The following PTPRT variants were observed in gnomAD, a reference collection of about 807,000 sequenced individuals.
PTPRT encodes receptor-type tyrosine-protein phosphatase T.
A neutral mutation model predicts 176.8 loss-of-function variants in PTPRT; 56 were observed. The observed-to-expected ratio is 0.32, with a 90% CI of 0.26 to 0.40. The LOEUF is 0.40. Ranked by LOEUF, PTPRT falls within the 10% of genes least tolerant of loss-of-function variation. The pLI, the probability that PTPRT is intolerant of heterozygous loss-of-function variation, is 1.00. For synonymous variants in PTPRT, 783 were observed against 739.0 expected, an observed-to-expected ratio of 1.06 and a Z score of -0.96; for missense variants, 1,540 against 1,908.2, an observed-to-expected ratio of 0.81 and a Z score of 3.60.
chr20:42,187,888 A>G (rs534189387), intron 16 of PTPRT, among the ~76,000 whole-genome samples: 9 of 152,322 alleles, frequency 5.9e-5, no homozygotes, highest in African/African-American at 1.7e-4. Flanking sequence ...CTTGGCTCAA[A>G]GTTCTGGTTC....
chr20:42,216,127 C>T (rs529432111), intron 15 of PTPRT, among the ~76,000 whole-genome samples: 2 of 152,318 alleles, frequency 1.3e-5, no homozygotes, highest in South Asian at 2.1e-4. Flanking sequence ...CACTCACATG[C>T]CCACATCTCT....
chr20:43,177,280 C>T (rs1237673219), intron 1 of PTPRT, among the ~76,000 whole-genome samples: 1 of 152,178 alleles, frequency 6.6e-6, no homozygotes, highest in South Asian at 2.1e-4. Context: ...CCATTTGGAC[C>T]TGACATATAG....
At chr20:42,922,511 G>C (rs1375809026) in intron 1 of PTPRT, among the ~76,000 whole-genome samples, 1 of 152,172 alleles carries the variant, frequency 6.6e-6, no homozygotes, top group African/African-American at 2.4e-5. Flanking sequence ...AGTCTCACAT[G>C]CCCAAAGCCA....
chr20:43,152,990 T>A (rs752867084), intron 1 of PTPRT, among the ~76,000 whole-genome samples: 2 of 152,208 alleles, frequency 1.3e-5, no homozygotes, highest in African/African-American at 2.4e-5. Flanking sequence ...TACTCCCTGT[T>A]TCCCTCTTAT....
chr20:42,366,956 T>C (rs930611033), intron 9 of PTPRT, among the ~76,000 whole-genome samples: 3 of 152,246 alleles, frequency 2.0e-5, no homozygotes, highest in African/African-American at 7.2e-5. Flanking sequence ...TGCCTTTTTT[T>C]CCCTTAAAAT....
At chr20:42,806,003 A>T (rs966162059) in intron 2 of PTPRT, among the ~76,000 whole-genome samples, 6 of 140,574 alleles carry the variant, frequency 4.3e-5, no homozygotes, top group East Asian at 2.1e-4. Flanking sequence ...TATAGGGAAG[A>T]TTTTTTTTTT....
chr20:42,083,905 C>T (rs1239683231), intron 29 of PTPRT, among the ~76,000 whole-genome samples: 1 of 152,190 alleles, frequency 6.6e-6, no homozygotes, highest in African/African-American at 2.4e-5. Context: ...CCTCTGTGGT[C>T]ACTCTATACT....
downstream of PTPRT, among the ~76,000 whole-genome samples, chr20:42,071,416 A>G (rs1982328589): frequency 6.6e-6 from 1 of 152,164 alleles, no homozygotes; most frequent in Non-Finnish European, 1.5e-5. Flanking sequence ...TCTAATAACA[A>G]CAGCATTAAA....
chr20:42,174,243 C>A (rs1288657177), intron 16 of PTPRT, among the ~76,000 whole-genome samples: 4 of 152,006 alleles, frequency 2.6e-5, no homozygotes, highest in Non-Finnish European at 4.4e-5. Context: ...TTACTCAAAG[C>A]ATAAATAATA....
At chr20:43,004,531 G>C (rs1826718204) in intron 1 of PTPRT, among the ~76,000 whole-genome samples, 1 of 152,180 alleles carries the variant, frequency 6.6e-6, no homozygotes, top group African/African-American at 2.4e-5. Context: ...AATACGTCAG[G>C]AAATAAACAC....
intron 1 of PTPRT, among the ~76,000 whole-genome samples, chr20:42,903,978 C>T (rs1483263596): frequency 6.6e-6 from 1 of 152,156 alleles, no homozygotes; most frequent in African/African-American, 2.4e-5. Flanking sequence ...AGGCACTCTC[C>T]TAGCAATTAC....
rs761300599 is a variant in PTPRT at position 43,109,520 on chromosome 20, T to TC, written c.88+80125dup. 5.4e-4 allele frequency among the ~76,000 whole-genome samples: 82 copies of TC among 152,316 alleles called. 1 individual carries two copies. Among genetic ancestry groups the TC allele is most frequent in the Non-Finnish European group, 9.4e-4 (64 of 68,028 alleles). ...TATTCACACTCAGTATACATTTTTT[T>TC]CATTTTTTACATCTAATATTTATTT... On this transcript the variant is annotated intron_variant, in intron 1 of 30. Transcript: ENST00000373187.
At position 42,326,952 on chromosome 20, in the gene PTPRT, T is replaced by G. The variant is rs573129933; in HGVS notation, c.1866-10956A>C. 4.4e-5 allele frequency among the ~76,000 whole-genome samples: 6 copies of G among 134,928 alleles called. No homozygotes were observed. The East Asian group carries it at 1.3e-3, about 28-fold the overall frequency. The allele number at this position is 134,928 out of a possible 152,430, so 88.5% of individuals were successfully genotyped here. ...CAAATGGGAAATATGGTTAAGAACT[T>G]AAAAAAAAAAAAACAACAAAGGAAT... On this transcript the variant is annotated intron_variant, in intron 11 of 30. Transcript: ENST00000373187.
chr20:43,160,002 CAA>C (rs11475762), intron 1 of PTPRT, among the ~76,000 whole-genome samples: 285 of 136,368 alleles, frequency 2.1e-3, no homozygotes, highest in Middle Eastern at 3.6e-3. Flanking sequence ...CTTCCCCCTG[CAA>C]AAAAAAAAAA....
intron 15 of PTPRT, among the ~76,000 whole-genome samples, chr20:42,200,795 G>T (rs1407669482): frequency 6.6e-6 from 1 of 152,160 alleles, no homozygotes; most frequent in Non-Finnish European, 1.5e-5. Context: ...TATCTTGAGA[G>T]TAAATTTCTC....
At chr20:42,111,528 T>A (rs1451796439) in intron 22 of PTPRT, among the ~76,000 whole-genome samples, 1 of 152,156 alleles carries the variant, frequency 6.6e-6, no homozygotes, top group Non-Finnish European at 1.5e-5. Context: ...CCCAGAAGGC[T>A]TTCTGGAGGA....
At chr20:43,016,237 A>G (rs1228762474) in intron 1 of PTPRT, among the ~76,000 whole-genome samples, 1 of 152,002 alleles carries the variant, frequency 6.6e-6, no homozygotes, top group Non-Finnish European at 1.5e-5. Context: ...TTTCCTCCAG[A>G]CCCTGGGCAC....
intron 1 of PTPRT, among the ~76,000 whole-genome samples, chr20:43,098,086 A>G (rs572149707): frequency 9.2e-4 from 140 of 152,296 alleles, no homozygotes; most frequent in African/African-American, 3.1e-3. Flanking sequence ...CAGAACTCTG[A>G]GTAGAGAAAC....
chr20:43,019,398 A>T (rs956273145), intron 1 of PTPRT, among the ~76,000 whole-genome samples: 2 of 152,084 alleles, frequency 1.3e-5, no homozygotes, highest in African/African-American at 4.8e-5. Flanking sequence ...AGGCGGGCAG[A>T]TCACGAGGTC....
Sources: allele counts gnomAD v4.1 joint callset (sites outside exome capture counted in the v4.1 genomes callset), GRCh38; gene constraint gnomAD v4.1.1; transcripts MANE v1.5; gene names NCBI Gene and HGNC (gene_info 2026-07-23, HGNC 2026-07-21).